The following KHDRBS2 variants were observed in gnomAD, a reference collection of about 807,000 sequenced individuals.
The protein encoded by KHDRBS2 is KH domain-containing, RNA-binding, signal transduction-associated protein 2.
A neutral mutation model predicts 44.3 loss-of-function variants in KHDRBS2; 26 were observed. The ratio of observed to expected loss-of-function variants is 0.59; its 90% CI spans 0.43 to 0.81. The LOEUF (loss-of-function observed/expected upper bound fraction) is 0.81, where lower values mean the gene tolerates loss of function less well. Among genes scored for constraint, KHDRBS2 ranks in the 40% least tolerant of loss-of-function variants. The probability of loss-of-function intolerance (pLI) is 0.00; values close to 1 mark genes in which losing one functional copy is unlikely to be tolerated. For missense variants in KHDRBS2, 476 were observed against 433.1 expected (o/e 1.10, Z -0.88); for synonymous variants, 194 against 151.1 (o/e 1.28, Z -2.08).
chr6:62,115,397 G>GA (rs982654953), intron 2 of KHDRBS2, among the ~76,000 whole-genome samples: 15 of 152,014 alleles, frequency 9.9e-5, no homozygotes, highest in African/African-American at 1.7e-4. Flanking sequence ...CAGTTTTACA[G>GA]AAAAAAATAT....
the KHDRBS2 span, among the ~76,000 whole-genome samples, chr6:61,669,685 A>T: frequency 6.6e-6 from 1 of 151,068 alleles, no homozygotes; most frequent in Admixed American, 6.6e-5. Flanking sequence ...ATATACACAA[A>T]CCTGCATGAT....
At chr6:62,080,284 C>T (rs7747231) in intron 2 of KHDRBS2, among the ~76,000 whole-genome samples, 49,675 of 151,908 alleles carry the variant, frequency 0.33, 8,852 homozygotes, top group Middle Eastern at 0.43. Flanking sequence ...GTTCTTAAGA[C>T]AGCCTATGAT....
intron 6 of KHDRBS2, chr6:61,816,813 T>G (rs1249975504): frequency 2.6e-6 from 1 of 380,724 alleles, no homozygotes; most frequent in Non-Finnish European, 5.2e-6. Context: ...CACATACATT[T>G]TATATTAATA....
At chr6:62,094,734 G>A (rs977303672) in intron 2 of KHDRBS2, among the ~76,000 whole-genome samples, 7 of 151,810 alleles carry the variant, frequency 4.6e-5, no homozygotes, top group Admixed American at 2.6e-4. Flanking sequence ...GTTGATTTTT[G>A]TATATGGTGA....
At chr6:62,006,428 G>A (rs1433588671) in intron 3 of KHDRBS2, among the ~76,000 whole-genome samples, 1 of 151,784 alleles carries the variant, frequency 6.6e-6, no homozygotes, top group Non-Finnish European at 1.5e-5. Flanking sequence ...ATTTCAAGAA[G>A]GAATAAATCA....
At chr6:61,889,145 C>T (rs940605950) in intron 6 of KHDRBS2, among the ~76,000 whole-genome samples, 1 of 152,106 alleles carries the variant, frequency 6.6e-6, no homozygotes, top group Non-Finnish European at 1.5e-5. Flanking sequence ...TTATTAACAA[C>T]AATATTCTAG....
intron 2 of KHDRBS2, among the ~76,000 whole-genome samples, chr6:62,170,625 T>C (rs1295699858): frequency 2.6e-5 from 4 of 152,106 alleles, no homozygotes; most frequent in African/African-American, 4.8e-5. Context: ...CACCCTGCTA[T>C]ACCACCATGG....
chr6:62,110,124 T>C (rs1159177209), intron 2 of KHDRBS2, among the ~76,000 whole-genome samples: 1 of 152,038 alleles, frequency 6.6e-6, no homozygotes, highest in East Asian at 1.9e-4. Flanking sequence ...ATATATCTCA[T>C]AAAATGATAC....
chr6:61,968,541 G>A (rs1242639448), intron 4 of KHDRBS2, among the ~76,000 whole-genome samples: 1 of 152,020 alleles, frequency 6.6e-6, no homozygotes, highest in Non-Finnish European at 1.5e-5. Flanking sequence ...AATTGCACCT[G>A]TGTTACCACT....
At chr6:61,803,195 A>C (rs1190128175) in intron 6 of KHDRBS2, among the ~76,000 whole-genome samples, 1 of 152,162 alleles carries the variant, frequency 6.6e-6, no homozygotes, top group African/African-American at 2.4e-5. Context: ...AACTGGGAAC[A>C]AAACAATTTG....
chr6:61,762,634 C>T (rs1562115518), intron 6 of KHDRBS2, among the ~76,000 whole-genome samples: 2 of 152,198 alleles, frequency 1.3e-5, no homozygotes, highest in Non-Finnish European at 2.9e-5. Context: ...CAGCCTGAGG[C>T]TTTCACCAGA....
chr6:62,268,702 T>A (rs1839602480), intron 1 of KHDRBS2, among the ~76,000 whole-genome samples: 1 of 152,002 alleles, frequency 6.6e-6, no homozygotes, highest in Admixed American at 6.6e-5. Flanking sequence ...TTTCCTCAAT[T>A]TTTTTTCACA....
chr6:62,175,556 T>A lies in KHDRBS2; in HGVS notation c.219+1629A>T, dbSNP rs188515236. Among the ~76,000 whole-genome samples, 270 of 144,484 alleles carry A rather than the reference T, an allele frequency of 1.9e-3. 7 individuals carry two copies. The South Asian group carries it at 0.054, about 29-fold the overall frequency. 94.8% of individuals were successfully genotyped at this position (144,484 alleles called of 152,430 possible). A position where few individuals can be genotyped will look rare whatever the true frequency, so the allele number is the denominator to read the frequency against. On this transcript the variant is annotated intron_variant, in intron 2 of 8. Coordinates refer to ENST00000281156, the MANE Select transcript of KHDRBS2 (RefSeq NM_152688.4). ...CATACTTTTTCAGTTGCCTCATCTGTAAAATAAAAGTTTTATATATTCTGT... is the reference window on the plus strand; with the variant it reads ...CATACTTTTTCAGTTGCCTCATCTGAAAAATAAAAGTTTTATATATTCTGT...
intron 7 of KHDRBS2, among the ~76,000 whole-genome samples, chr6:61,700,202 C>T (rs1170288667): frequency 4.6e-5 from 7 of 151,700 alleles, no homozygotes; most frequent in Non-Finnish European, 8.8e-5. Context: ...GAGTAAGCCC[C>T]GATCATGTTC....
intron 2 of KHDRBS2, among the ~76,000 whole-genome samples, chr6:62,108,993 T>C (rs953757328): frequency 6.6e-5 from 10 of 151,912 alleles, no homozygotes; most frequent in African/African-American, 2.4e-4. Flanking sequence ...ATATACCTAA[T>C]GCTAAATGAC....
chr6:61,686,773 C>T (rs767602256), intron 8 of KHDRBS2, among the ~76,000 whole-genome samples: 1 of 151,182 alleles, frequency 6.6e-6, no homozygotes, highest in Non-Finnish European at 1.5e-5. Context: ...ATTCACCAAC[C>T]CTTTCTCTTT....
the KHDRBS2 span, among the ~76,000 whole-genome samples, chr6:61,615,875 A>C: frequency 6.6e-6 from 1 of 152,214 alleles, no homozygotes; most frequent in Non-Finnish European, 1.5e-5. Flanking sequence ...ACCAGAGGAA[A>C]AATTAGAGAT....
At chr6:61,929,491 T>A (rs1288774133) in intron 4 of KHDRBS2, among the ~76,000 whole-genome samples, 2 of 152,182 alleles carry the variant, frequency 1.3e-5, no homozygotes, top group African/African-American at 4.8e-5. Flanking sequence ...CAAAGGCCGT[T>A]CCACCACCTG....
intron 3 of KHDRBS2, among the ~76,000 whole-genome samples, chr6:62,020,925 C>A (rs77893328): frequency 1.3e-5 from 2 of 152,008 alleles, no homozygotes; most frequent in Admixed American, 1.3e-4. Context: ...AAGACAAATG[C>A]ATGCATATGT....
Sources: allele counts gnomAD v4.1 joint callset (sites outside exome capture counted in the v4.1 genomes callset), GRCh38; gene constraint gnomAD v4.1.1; transcripts MANE v1.5; gene names NCBI Gene and HGNC (gene_info 2026-07-23, HGNC 2026-07-21).